Variants in GUCY1A2 observed in about 807,000 individuals in gnomAD.
The protein encoded by GUCY1A2 is guanylate cyclase soluble subunit alpha-2.
Under a neutral mutation model 63.5 loss-of-function variants are expected in GUCY1A2, and 27 were observed. The ratio of observed to expected loss-of-function variants is 0.43; its 90% confidence interval spans 0.31 to 0.59. GUCY1A2 has a LOEUF of 0.59. Ranked by LOEUF, GUCY1A2 falls within the 20% of genes least tolerant of loss-of-function variation. The probability of loss-of-function intolerance (pLI) is 0.11; values close to 1 mark genes in which losing one functional copy is unlikely to be tolerated. For synonymous variants in GUCY1A2, 364 were observed against 343.5 expected (o/e 1.06, Z -0.66); for missense variants, 768 against 913.3 (o/e 0.84, Z 2.05).
chr11:106,695,936 G>A (rs1862710561), intron 7 of GUCY1A2, among the ~76,000 whole-genome samples: 2 of 152,108 alleles, frequency 1.3e-5, no homozygotes, highest in African/African-American at 4.8e-5. Flanking sequence ...CTTCCTGTAT[G>A]TCCCCTGAAA....
intron 4 of GUCY1A2, among the ~76,000 whole-genome samples, chr11:106,934,007 G>A (rs1860641825): frequency 6.6e-6 from 1 of 152,082 alleles, no homozygotes; most frequent in Admixed American, 6.6e-5. Context: ...TTAGGACCTG[G>A]GTGAGGGGAT....
intron 1 of GUCY1A2, among the ~76,000 whole-genome samples, chr11:107,012,249 G>C (rs1012237735): frequency 1.6e-5 from 2 of 123,088 alleles, no homozygotes; most frequent in Admixed American, 1.9e-4. Context: ...AAAATACAGT[G>C]CTTCTTATTA....
Position 106,944,215 on chromosome 11 carries a change from C to CAAAAAAAAAAAAAA in GUCY1A2, c.488-4051_488-4038dup, listed in dbSNP as rs71041701. 7.5e-3 allele frequency among the ~76,000 whole-genome samples: 161 copies of CAAAAAAAAAAAAAA among 21,558 alleles called. 24 individuals are homozygous for CAAAAAAAAAAAAAA. Among genetic ancestry groups the CAAAAAAAAAAAAAA allele is most frequent in the Non-Finnish European group, 9.6e-3 (124 of 12,948 alleles). 14.1% of individuals were successfully genotyped at this position (21,558 alleles called of 152,430 possible). On this transcript the variant is annotated intron_variant, in intron 3 of 7. Transcript: ENST00000526355. ...GGGCAACAGAGTGAGACCCTGTCTC[C>CAAAAAAAAAAAAAA]AAAAAAAAAAAAAAAAAAAAAGCAG...
At chr11:106,776,409 C>T (rs199901705) in intron 6 of GUCY1A2, 30 bp downstream of exon 6, 79 of 1,186,532 alleles carry the variant, frequency 6.7e-5, no homozygotes, top group Non-Finnish European at 9.5e-5. Context: ...GGTGCACTTA[C>T]TACTCAAACT....
chr11:106,860,010 G>A (rs919491370), intron 4 of GUCY1A2, among the ~76,000 whole-genome samples: 1 of 151,890 alleles, frequency 6.6e-6, no homozygotes, highest in African/African-American at 2.4e-5. Flanking sequence ...CTAATGGGAG[G>A]AGTTTCATCT....
At chr11:106,867,650 C>A (rs1255569738) in intron 4 of GUCY1A2, among the ~76,000 whole-genome samples, 2 of 151,960 alleles carry the variant, frequency 1.3e-5, no homozygotes, top group Non-Finnish European at 2.9e-5. Context: ...TGCTAAGGAC[C>A]ATTATAGCAC....
intron 3 of GUCY1A2, among the ~76,000 whole-genome samples, chr11:106,949,987 G>T (rs976368258): frequency 6.6e-6 from 1 of 152,150 alleles, no homozygotes; most frequent in Non-Finnish European, 1.5e-5. Context: ...ATTCATATGT[G>T]TGCATACATG....
intron 4 of GUCY1A2, among the ~76,000 whole-genome samples, chr11:106,845,203 G>A (rs1047812891): frequency 4.0e-5 from 6 of 151,054 alleles, no homozygotes; most frequent in Admixed American, 2.6e-4. Flanking sequence ...GAAAGCAAAT[G>A]GCTTATGTTT....
At chr11:106,769,298 CG>C (rs1864215134) in intron 6 of GUCY1A2, among the ~76,000 whole-genome samples, 1 of 151,954 alleles carries the variant, frequency 6.6e-6, no homozygotes, top group African/African-American at 2.4e-5. Context: ...TAAATAAAAA[CG>C]GTATGAAAAA....
At chr11:106,846,528 C>T (rs1024719803) in intron 4 of GUCY1A2, among the ~76,000 whole-genome samples, 8 of 151,568 alleles carry the variant, frequency 5.3e-5, no homozygotes, top group African/African-American at 1.7e-4. Flanking sequence ...ACTTAAAAAA[C>T]GATTAAGAAG....
intron 6 of GUCY1A2, among the ~76,000 whole-genome samples, chr11:106,724,768 C>A (rs901372309): frequency 6.6e-6 from 1 of 152,286 alleles, no homozygotes. Flanking sequence ...CCTGACAATA[C>A]AGATGTGAGC....
chr11:106,821,922 A>G (rs1225508961), intron 4 of GUCY1A2, among the ~76,000 whole-genome samples: 1 of 152,168 alleles, frequency 6.6e-6, no homozygotes, highest in Non-Finnish European at 1.5e-5. Flanking sequence ...AAGGGTGAGG[A>G]ACAAGTCAGG....
At chr11:106,916,909 G>A (rs1285104045) in intron 4 of GUCY1A2, among the ~76,000 whole-genome samples, 1 of 145,526 alleles carries the variant, frequency 6.9e-6, no homozygotes, top group African/African-American at 2.4e-5. Flanking sequence ...TTGCAGAATT[G>A]AATACCAATC....
intron 4 of GUCY1A2, among the ~76,000 whole-genome samples, chr11:106,917,939 A>AT (rs1194788651): frequency 1.4e-5 from 2 of 142,262 alleles, no homozygotes; most frequent in Non-Finnish European, 3.1e-5. Flanking sequence ...AACTTAAAGT[A>AT]TAAAAAAAAA....
intron 6 of GUCY1A2, among the ~76,000 whole-genome samples, chr11:106,730,077 T>TATATATATATATATAC (rs1863475280): frequency 7.0e-6 from 1 of 141,882 alleles, no homozygotes; most frequent in Non-Finnish European, 1.5e-5. Context: ...TATATATATA[T>TATATATATATATATAC]ATATATATAT....
chr11:106,920,836 C>G (rs1332021883), intron 4 of GUCY1A2, among the ~76,000 whole-genome samples: 2 of 152,014 alleles, frequency 1.3e-5, no homozygotes, highest in Non-Finnish European at 2.9e-5. Context: ...TCACGGGTTT[C>G]TTTTATTCTA....
At chr11:106,886,801 T>C (rs952552590) in intron 4 of GUCY1A2, among the ~76,000 whole-genome samples, 2 of 152,124 alleles carry the variant, frequency 1.3e-5, no homozygotes, top group Non-Finnish European at 2.9e-5. Flanking sequence ...TCACCAGAAA[T>C]CATATTTCTA....
At chr11:106,731,520 T>C (rs916162728) in intron 6 of GUCY1A2, among the ~76,000 whole-genome samples, 4 of 151,938 alleles carry the variant, frequency 2.6e-5, no homozygotes, top group Non-Finnish European at 4.4e-5. Flanking sequence ...AAGATAGTAC[T>C]AGAAGTCCTG....
At chr11:106,722,596 T>G (rs1045811182) in intron 6 of GUCY1A2, among the ~76,000 whole-genome samples, 1 of 152,138 alleles carries the variant, frequency 6.6e-6, no homozygotes, top group African/African-American at 2.4e-5. Flanking sequence ...GGGACTCTTC[T>G]TTTAACCTGG....
Sources: gnomAD v4.1 joint callset for allele counts (sites outside exome capture counted in the v4.1 genomes callset) on GRCh38, gnomAD v4.1.1 for gene constraint, MANE v1.5 for transcripts, NCBI Gene and HGNC (gene_info 2026-07-23, HGNC 2026-07-21) for gene names.